AFAP1L2: variants seen among roughly 807,000 people sequenced by gnomAD.
AFAP1L2 encodes the protein actin filament associated protein 1 like 2, also known as actin filament-associated protein 1-like 2.
In AFAP1L2, 46 loss-of-function variants were observed where a neutral mutation model predicts 99.3. The ratio of observed to expected loss-of-function variants is 0.46; its 90% CI spans 0.37 to 0.59. The LOEUF is 0.59. Among genes scored for constraint, AFAP1L2 ranks in the 20% least tolerant of loss-of-function variants. The pLI is 0.00. For synonymous variants in AFAP1L2, 397 were observed against 419.1 expected (o/e 0.95, Z 0.64); for missense variants, 959 against 1,034.9 (o/e 0.93, Z 1.01).
chr10:114,295,221 A>G lies in AFAP1L2; in HGVS notation c.*821T>C. On this transcript the variant is annotated 3_prime_UTR_variant, in exon 19 of 19. Transcript: ENST00000304129. ...TAAAAATGGCCTGACCACAGCAATG[A>G]ATCTGTAAACACAGAGTAATATTTT... 2 of 985,818 alleles carry G rather than the reference A, an allele frequency of 2.0e-6. No individual in the cohort carries two copies. Among genetic ancestry groups the G allele is most frequent in the Non-Finnish European group, 2.4e-6 (2 of 829,882 alleles). 61.1% of individuals were successfully genotyped at this position (985,818 alleles called of 1,614,324 possible). A position where few individuals can be genotyped will look rare whatever the true frequency, so the allele number is the denominator to read the frequency against.
At position 114,294,942 on chromosome 10, in the gene AFAP1L2, C is replaced by CAAGT; in HGVS notation, c.*1096_*1099dup. ...AAAAAAGACATTTAGTTCTCAGGAA[C>CAAGT]AAGTGTTAGAGAACTGATACACAAC... On this transcript the variant is annotated 3_prime_UTR_variant, in exon 19 of 19. Transcript: ENST00000304129. The CAAGT allele has an allele frequency of 1.0e-6, 1 of 975,692 alleles. No individual in the cohort carries two copies. The highest frequency in any genetic ancestry group is 1.2e-4 in the East Asian group (1 of 8,480). 60.4% of individuals were successfully genotyped at this position (975,692 alleles called of 1,614,324 possible).
At position 114,362,786 on chromosome 10, in the gene AFAP1L2, C is replaced by T. The variant is rs370179704; in HGVS notation, c.17-22055G>A. Among the ~76,000 whole-genome samples, 22 of 152,218 alleles carry T rather than the reference C, an allele frequency of 1.4e-4. No individual in the cohort carries two copies. In the East Asian group the frequency reaches 4.0e-3, roughly 28 times the overall value. On this transcript the variant is annotated intron_variant, in intron 1 of 18. Coordinates refer to ENST00000304129, the MANE Select transcript of AFAP1L2 (RefSeq NM_001001936.3). ...AGAGCCCCTGTAAGGAACAGACTTA[C>T]AAAAGATTAACCTCATTAGAAAAAA...
rs556683532 is a variant in AFAP1L2 at position 114,302,573 on chromosome 10, C to T, written c.1285-89G>A. 6.2e-4 allele frequency: 951 copies of T among 1,529,796 alleles called. 1 individual carries two copies. Among genetic ancestry groups the T allele is most frequent in the Non-Finnish European group, 7.2e-4 (816 of 1,128,194 alleles). 94.8% of individuals were successfully genotyped at this position (1,529,796 alleles called of 1,614,324 possible). A position where few individuals can be genotyped will look rare whatever the true frequency, so the allele number is the denominator to read the frequency against. ...CCACCAGGCCATGACCGTACCCCTA[C>T]CCCTGAGCCTGCCCACGAAAGCCTC... On this transcript the variant is annotated intron_variant, in intron 11 of 18. Coordinates refer to ENST00000304129, the MANE Select transcript of AFAP1L2 (RefSeq NM_001001936.3).
rs369500918 is a variant in AFAP1L2, at chr10:114,327,147, T to TTATATA, written c.316-3892_316-3887dup. 7.0e-4 allele frequency among the ~76,000 whole-genome samples: 38 copies of TTATATA among 54,570 alleles called. 2 individuals are homozygous for TTATATA. The highest frequency in any genetic ancestry group is 1.5e-3 in the African/African-American group (37 of 24,604). 35.8% of individuals were successfully genotyped at this position (54,570 alleles called of 152,430 possible). On this transcript the variant is annotated intron_variant, in intron 4 of 18. Transcript: ENST00000304129. ...TGAAGACCGTGAATTTTATATATAT[T>TTATATA]TATATATATATATATATATATATAT...
rs1439176184 is a variant in AFAP1L2 at position 114,385,903 on chromosome 10, C to T, written c.16+18537G>A. 2.0e-5 allele frequency among the ~76,000 whole-genome samples: 3 copies of T among 152,066 alleles called. No homozygotes were observed. The East Asian group carries it at 5.8e-4, about 29-fold the overall frequency. ...GGCTGCAGGTACCTGGTGGAGGGTG[C>T]GAGTTGAATAGTTCAGGTTCTCACC... On this transcript the variant is annotated intron_variant, in intron 1 of 18. Coordinates refer to ENST00000304129, the MANE Select transcript of AFAP1L2 (RefSeq NM_001001936.3).
At chr10:114,335,968 T>A (rs143271106) in intron 2 of AFAP1L2, among the ~76,000 whole-genome samples, 146 of 151,638 alleles carry the variant, frequency 9.6e-4, no homozygotes, top group African/African-American at 1.5e-3. Flanking sequence ...CATTTTTTTT[T>A]ATATCATTAA....
chr10:114,398,928 C>T, intron 1 of AFAP1L2: 1 of 1,304,284 alleles, frequency 7.7e-7, no homozygotes, highest in Non-Finnish European at 1.0e-6. Context: ...AAATAAGGCT[C>T]AAGTCGGGAA....
chr10:114,347,155 G>A (rs2049727418), intron 1 of AFAP1L2, among the ~76,000 whole-genome samples: 1 of 152,192 alleles, frequency 6.6e-6, no homozygotes, highest in Non-Finnish European at 1.5e-5. Context: ...GCCACTGAAT[G>A]TATTATCCTC....
chr10:114,313,491 G>T (rs1005550248), intron 7 of AFAP1L2, among the ~76,000 whole-genome samples: 1 of 152,046 alleles, frequency 6.6e-6, no homozygotes, highest in Non-Finnish European at 1.5e-5. Flanking sequence ...TGTAAAATGG[G>T]GACATGAACA....
chr10:114,385,936 GC>G (rs1270982016), intron 1 of AFAP1L2, among the ~76,000 whole-genome samples: 1 of 151,018 alleles, frequency 6.6e-6, no homozygotes, highest in Non-Finnish European at 1.5e-5. Context: ...ACCACCCCCC[GC>G]CCCCCCTCAG....
rs1328738706 is a variant in AFAP1L2, at chr10:114,360,525, A to ATAGT, written c.17-19795_17-19794insACTA. Among the ~76,000 whole-genome samples the ATAGT allele has an allele frequency of 1.6e-4, 23 of 148,110 alleles. No individual in the cohort carries two copies. The East Asian group carries it at 1.6e-3, about 10-fold the overall frequency. On this transcript the variant is annotated intron_variant, in intron 1 of 18. Transcript: ENST00000304129. ...GATAGATAGTTAGATAGATAGATAG[A>ATAGT]TAGATAGATAGATAGATAGATAGAT...
chr10:114,300,141 A>G, intron 15 of AFAP1L2, 53 bp downstream of exon 15: 1 of 1,612,516 alleles, frequency 6.2e-7, no homozygotes, highest in Non-Finnish European at 8.5e-7. Flanking sequence ...GTCCCTCTAG[A>G]GAACCCTGAC....
At chr10:114,334,492 G>T (rs760605906) in intron 2 of AFAP1L2, among the ~76,000 whole-genome samples, 1 of 152,178 alleles carries the variant, frequency 6.6e-6, no homozygotes, top group Non-Finnish European at 1.5e-5. Context: ...TCTGTTGCAC[G>T]ACCACAGACC....
At position 114,318,748 on chromosome 10, in the gene AFAP1L2, G is replaced by GAAAAAAAGA. The variant is rs71473039; in HGVS notation, c.407-2984_407-2983insTCTTTTTTT. 1.7e-3 allele frequency among the ~76,000 whole-genome samples: 204 copies of GAAAAAAAGA among 118,908 alleles called. 1 individual carries two copies. Among genetic ancestry groups the GAAAAAAAGA allele is most frequent in the Middle Eastern group, 5.3e-3 (1 of 188 alleles). The allele number at this position is 118,908 out of a possible 152,430, so 78.0% of individuals were successfully genotyped here. ...AGGGTGAGACTCTGTCTAAAAAAAA[G>GAAAAAAAGA]AAAAAAAAAAGAACAACAAATCATA... On this transcript the variant is annotated intron_variant, in intron 5 of 18. Coordinates refer to ENST00000304129, the MANE Select transcript of AFAP1L2 (RefSeq NM_001001936.3).
chr10:114,367,891 G>A (rs1590626772), intron 1 of AFAP1L2, among the ~76,000 whole-genome samples: 1 of 152,142 alleles, frequency 6.6e-6, no homozygotes, highest in African/African-American at 2.4e-5. Flanking sequence ...TTTACAGTCT[G>A]GGCTGAAGCA....
In AFAP1L2 at chr10:114,296,993, T is replaced by C. The variant is rs1233161250; in HGVS notation, c.2415A>G (p.Val805=). 1.2e-6 allele frequency: 2 copies of C among 1,613,974 alleles called. No homozygotes were observed. Among genetic ancestry groups the C allele is most frequent in the Non-Finnish European group, 1.7e-6 (2 of 1,180,024 alleles). ...GACTGCTTACCTTGGCTTTCTGGAG[T>C]ACAGTGCCTTTGCCTGTGACCACGA... is the stretch of plus-strand genomic sequence containing the variant. The part of the protein sequence containing the change: ...LSVVVTGKGT[V]LQKAKEWEKK... Residue 805 remains valine, a synonymous_variant, in exon 18 of 19, where the codon GTA becomes GTG. Coordinates refer to ENST00000304129, the MANE Select transcript of AFAP1L2 (RefSeq NM_001001936.3).
At chr10:114,342,916 G>A (rs764306682) in intron 1 of AFAP1L2, among the ~76,000 whole-genome samples, 7 of 152,250 alleles carry the variant, frequency 4.6e-5, no homozygotes, top group Non-Finnish European at 7.3e-5. Flanking sequence ...CAGGCTTTGT[G>A]TGGAGCTCAC....
chr10:114,346,076 C>T lies in AFAP1L2; in HGVS notation c.17-5345G>A, dbSNP rs565660501. 5.9e-5 allele frequency among the ~76,000 whole-genome samples: 9 copies of T among 152,250 alleles called. No homozygotes were observed. The East Asian group carries it at 1.2e-3, about 20-fold the overall frequency. Reference sequence around the variant, plus strand: ...GGGTGCTGTCTGCTGAGGACAATGTCGAGACCCTCCTTCTCTTCTAGGCTG... The same window carrying T: ...GGGTGCTGTCTGCTGAGGACAATGTTGAGACCCTCCTTCTCTTCTAGGCTG... On this transcript the variant is annotated intron_variant, in intron 1 of 18. Transcript: ENST00000304129.
downstream of AFAP1L2, among the ~76,000 whole-genome samples, chr10:114,291,758 C>T (rs2039622418): frequency 6.6e-6 from 1 of 152,222 alleles, no homozygotes; most frequent in South Asian, 2.1e-4. Flanking sequence ...ATTCTGGATG[C>T]ATTTGCATTG....
Sources: gnomAD v4.1 joint callset for allele counts (sites outside exome capture counted in the v4.1 genomes callset) on GRCh38, gnomAD v4.1.1 for gene constraint, MANE v1.5 for transcripts, NCBI Gene and HGNC (gene_info 2026-07-23, HGNC 2026-07-21) for gene names.